PIK3CD: variants seen among roughly 807,000 people sequenced by gnomAD.
PIK3CD encodes the protein phosphatidylinositol 4,5-bisphosphate 3-kinase catalytic subunit delta isoform.
Under a neutral mutation model 122.9 loss-of-function variants are expected in PIK3CD, and 20 were observed. The ratio of observed to expected loss-of-function variants is 0.16; its 90% CI spans 0.11 to 0.24. The LOEUF (loss-of-function observed/expected upper bound fraction) is 0.24. PIK3CD is among the 10% of genes least tolerant of loss of function. PIK3CD has a pLI of 1.00. For missense variants in PIK3CD, 787 were observed against 1,406.3 expected (o/e 0.56, Z 7.04); for synonymous variants, 596 against 593.4 (o/e 1.00, Z -0.06).
At chr1:9,707,848 C>G (rs186000743) in intron 2 of PIK3CD, among the ~76,000 whole-genome samples, 1 of 149,498 alleles carries the variant, frequency 6.7e-6, no homozygotes, top group African/African-American at 2.5e-5. Context: ...GGCTAGAGTA[C>G]AGTGGCGCGA....
At chr1:9,674,496 T>G (rs1237245689) in intron 1 of PIK3CD, among the ~76,000 whole-genome samples, 1 of 151,272 alleles carries the variant, frequency 6.6e-6, no homozygotes, top group Non-Finnish European at 1.5e-5. Context: ...TCAAGACCAG[T>G]CTGACCAATA....
chr1:9,717,721 C>A lies in PIK3CD; in HGVS notation c.1020+95C>A. On this transcript the variant is annotated intron_variant, in intron 8 of 23. Transcript: ENST00000377346. The surrounding 1 kb of genome is among the most constrained non-coding windows in gnomAD (Gnocchi z 5.4). The stretch of plus-strand genomic sequence containing the variant: ...GGTAGCAGAGGAAGGAGGGGGATCA[C>A]ATGAAAGCCACCTGACCACATTACC... 9.0e-7 allele frequency: 1 copy of A among 1,117,142 alleles called. No individual in the cohort carries two copies. The highest frequency in any genetic ancestry group is 1.3e-6 in the Non-Finnish European group (1 of 747,850). The allele number at this position is 1,117,142 out of a possible 1,614,324, so 69.2% of individuals were successfully genotyped here.
chr1:9,636,366 G>T, the PIK3CD span, among the ~76,000 whole-genome samples: 2 of 152,142 alleles, frequency 1.3e-5, no homozygotes, highest in Non-Finnish European at 2.9e-5. Context: ...GATAATTTTT[G>T]TATTTTTAGT....
chr1:9,649,177 C>G, upstream of PIK3CD, among the ~76,000 whole-genome samples: 1 of 152,196 alleles, frequency 6.6e-6, no homozygotes, highest in Non-Finnish European at 1.5e-5. Context: ...CCATCTTACC[C>G]AAGCCCTCTC....
chr1:9,724,862 C>T lies in PIK3CD; in HGVS notation c.2923C>T (p.Leu975Phe). ...CCTGCGGCGCCACGGGCTTCTCTTC[C>T]TCCACCTCTTTGCCCTGATGCGGGC... is the stretch of plus-strand genomic sequence containing the variant. ...TILRRHGLLF[L>F]HLFALMRAAG... Residue 975 changes from leucine to phenylalanine, a missense_variant, in exon 23 of 24, where the codon CTC (leucine) becomes TTC (phenylalanine). This residue lies in a region of PIK3CD where 60 missense variants were observed against 129.5 expected (regional missense o/e 0.46). Transcript: ENST00000377346. The surrounding 1 kb of genome is among the most constrained non-coding windows in gnomAD (Gnocchi z 7.3). 1 of 1,614,078 alleles carries T rather than the reference C, an allele frequency of 6.2e-7. No homozygotes were observed. The highest frequency in any genetic ancestry group is 8.5e-7 in the Non-Finnish European group (1 of 1,180,044).
intron 1 of PIK3CD, among the ~76,000 whole-genome samples, chr1:9,684,696 C>A (rs1318828766): frequency 6.6e-6 from 1 of 150,520 alleles, no homozygotes; most frequent in African/African-American, 2.4e-5. Context: ...GACCTCATCG[C>A]TACAAAAATT....
At chr1:9,640,474 G>A in the PIK3CD span, among the ~76,000 whole-genome samples, 1 of 134,502 alleles carries the variant, frequency 7.4e-6, no homozygotes, top group South Asian at 2.4e-4. Flanking sequence ...CAGCTACTTG[G>A]GAGGCCGAGG....
At chr1:9,637,912 T>C in the PIK3CD span, among the ~76,000 whole-genome samples, 1 of 151,998 alleles carries the variant, frequency 6.6e-6, no homozygotes, top group Non-Finnish European at 1.5e-5. Context: ...GAGACCAGCC[T>C]GGCCAACATG....
In PIK3CD at chr1:9,722,940, T is replaced by C. The variant is rs2100987328; in HGVS notation, c.2427-185T>C. Among the ~76,000 whole-genome samples, 1 of 152,294 alleles carries C rather than the reference T, an allele frequency of 6.6e-6. No homozygotes were observed. The highest frequency in any genetic ancestry group is 1.9e-4 in the East Asian group (1 of 5,172). ...GCAAATGTGAACTCAGCTGTGGTGCTTTCTGCACCTCAGATGCTGGTGCCG... is the reference window on the plus strand; with the variant it reads ...GCAAATGTGAACTCAGCTGTGGTGCCTTCTGCACCTCAGATGCTGGTGCCG... On this transcript the variant is annotated intron_variant, in intron 19 of 23. Coordinates refer to ENST00000377346, the MANE Select transcript of PIK3CD (RefSeq NM_005026.5). This position sits in a 1 kb window ranked among gnomAD's most constrained non-coding sequence, Gnocchi z 7.6.
chr1:9,647,287 G>T (rs1557581835), upstream of PIK3CD, among the ~76,000 whole-genome samples: 1 of 151,674 alleles, frequency 6.6e-6, no homozygotes, highest in Non-Finnish European at 1.5e-5. Context: ...CCAACTACTT[G>T]GCAGGCTGAG....
In PIK3CD at chr1:9,723,488, A is replaced by G. The variant is rs909829681; in HGVS notation, c.2594+196A>G. On this transcript the variant is annotated intron_variant, in intron 20 of 23. Transcript: ENST00000377346. This position sits in a 1 kb window ranked among gnomAD's most constrained non-coding sequence, Gnocchi z 4.9. ...TCCCCAAGTATCAGTGTCTCTTGCT[A>G]TGCAACACCATCCAAAGCGCAGGGC... Among the ~76,000 whole-genome samples the G allele has an allele frequency of 6.6e-6, 1 of 152,200 alleles. No individual in the cohort carries two copies. The highest frequency in any genetic ancestry group is 1.5e-5 in the Non-Finnish European group (1 of 68,036).
the PIK3CD span, among the ~76,000 whole-genome samples, chr1:9,629,714 AAAAC>A: frequency 6.6e-6 from 1 of 152,030 alleles, no homozygotes; most frequent in Non-Finnish European, 1.5e-5. Context: ...AGTTCGGTCT[AAAAC>A]AAAGCCCCTC....
At chr1:9,665,318 G>A (rs1278124720) in intron 1 of PIK3CD, among the ~76,000 whole-genome samples, 2 of 151,722 alleles carry the variant, frequency 1.3e-5, no homozygotes, top group African/African-American at 4.8e-5. Context: ...CTCTCAAGAG[G>A]AAATGCTCTA....
At chr1:9,668,617 C>T (rs1260134165) in intron 1 of PIK3CD, among the ~76,000 whole-genome samples, 2 of 152,092 alleles carry the variant, frequency 1.3e-5, no homozygotes, top group Non-Finnish European at 2.9e-5. Flanking sequence ...TTTTATCCCT[C>T]ACCCTCTCCC....
At chr1:9,690,972 T>G (rs1646176467) in intron 1 of PIK3CD, among the ~76,000 whole-genome samples, 1 of 151,544 alleles carries the variant, frequency 6.6e-6, no homozygotes, top group African/African-American at 2.4e-5. Context: ...ATGCAAGGAG[T>G]GGGCGGCCCC....
chr1:9,644,639 C>T, the PIK3CD span, among the ~76,000 whole-genome samples: 1 of 152,280 alleles, frequency 6.6e-6, no homozygotes, highest in African/African-American at 2.4e-5. Flanking sequence ...AGTTTCTGAG[C>T]TCTCTAGCTT....
intron 1 of PIK3CD, among the ~76,000 whole-genome samples, chr1:9,658,521 AT>A (rs1165670404): frequency 6.3e-4 from 57 of 91,174 alleles, no homozygotes; most frequent in Non-Finnish European, 8.3e-4. Flanking sequence ...TCCCAGCCAC[AT>A]TTTTTTTTTT....
intron 3 of PIK3CD, among the ~76,000 whole-genome samples, chr1:9,713,766 T>TA (rs1557657243): frequency 6.6e-6 from 1 of 151,024 alleles, no homozygotes; most frequent in African/African-American, 2.4e-5. Flanking sequence ...AATTTTATTT[T>TA]TTATTATTAT....
In PIK3CD at chr1:9,725,047, G is replaced by A. The variant is rs898211739; in HGVS notation, c.2997+111G>A. 2.5e-5 allele frequency: 34 copies of A among 1,333,692 alleles called. No individual in the cohort carries two copies. The African/African-American group carries it at 3.5e-4, about 14-fold the overall frequency. 82.6% of individuals were successfully genotyped at this position (1,333,692 alleles called of 1,614,324 possible). A position where few individuals can be genotyped will look rare whatever the true frequency, so the allele number is the denominator to read the frequency against. Reference sequence around the variant, plus strand: ...AGTAGGCCCCAAAGGGCACTGAGCTGTGTGTGCCTCATGCCGTCCCAGGAC... The same window carrying A: ...AGTAGGCCCCAAAGGGCACTGAGCTATGTGTGCCTCATGCCGTCCCAGGAC... On this transcript the variant is annotated intron_variant, in intron 23 of 23. Transcript: ENST00000377346.
Sources: allele counts gnomAD v4.1 joint callset (sites outside exome capture counted in the v4.1 genomes callset), GRCh38; gene constraint gnomAD v4.1.1; regional missense constraint gnomAD v4.1.1; non-coding constraint Gnocchi (gnomAD v3.1); transcripts MANE v1.5; gene names NCBI Gene and HGNC (gene_info 2026-07-23, HGNC 2026-07-21).